Variants in ZMAT4 observed in about 807,000 individuals in gnomAD.
The protein encoded by ZMAT4 is zinc finger matrin-type 4, also known as zinc finger matrin-type protein 4.
A neutral mutation model predicts 28.7 loss-of-function variants in ZMAT4; 17 were observed. The ratio of observed to expected loss-of-function variants is 0.59; its 90% CI spans 0.41 to 0.89. The LOEUF (loss-of-function observed/expected upper bound fraction) is 0.89. Among genes scored for constraint, ZMAT4 ranks in the 40% least tolerant of loss-of-function variants. The pLI, the probability that ZMAT4 is intolerant of heterozygous loss-of-function variation, is 0.00. For synonymous variants in ZMAT4, 117 were observed against 109.2 expected, an observed-to-expected ratio of 1.07 and a Z score of -0.44; for missense variants, 240 against 283.8, an observed-to-expected ratio of 0.85 and a Z score of 1.11.
At chr8:40,640,298 CT>C (rs1333195964) in intron 5 of ZMAT4, among the ~76,000 whole-genome samples, 2 of 152,136 alleles carry the variant, frequency 1.3e-5, no homozygotes, top group Non-Finnish European at 2.9e-5. Context: ...TCTTAATGTT[CT>C]GGATGACTTT....
At chr8:40,658,976 A>C (rs1177771649) in intron 5 of ZMAT4, among the ~76,000 whole-genome samples, 2 of 152,140 alleles carry the variant, frequency 1.3e-5, no homozygotes, top group Non-Finnish European at 2.9e-5. Context: ...AAATATTATC[A>C]GTAGAAGGGT....
At chr8:40,880,422 G>T (rs182412968) in intron 1 of ZMAT4, among the ~76,000 whole-genome samples, 1 of 151,730 alleles carries the variant, frequency 6.6e-6, no homozygotes, top group African/African-American at 2.4e-5. Flanking sequence ...TCCAGAAAGA[G>T]GGCACCAATT....
At chr8:40,841,666 G>A (rs890623714) in intron 1 of ZMAT4, among the ~76,000 whole-genome samples, 1 of 152,154 alleles carries the variant, frequency 6.6e-6, no homozygotes. Flanking sequence ...GAGGCAAAAA[G>A]TATCTCTCTT....
intron 2 of ZMAT4, among the ~76,000 whole-genome samples, chr8:40,811,254 C>G (rs563800904): frequency 7.9e-5 from 12 of 152,296 alleles, no homozygotes; most frequent in African/African-American, 2.6e-4. Flanking sequence ...GAGGAACTTA[C>G]AGACAGAAGC....
chr8:40,704,286 A>G (rs1452794416), intron 3 of ZMAT4, among the ~76,000 whole-genome samples: 1 of 152,154 alleles, frequency 6.6e-6, no homozygotes, highest in Non-Finnish European at 1.5e-5. Flanking sequence ...TGGAAGTCAC[A>G]TTTCCTGATT....
intron 2 of ZMAT4, among the ~76,000 whole-genome samples, chr8:40,767,983 G>C (rs1385219285): frequency 6.6e-6 from 1 of 152,090 alleles, no homozygotes; most frequent in East Asian, 1.9e-4. Context: ...ATGTAGCCTA[G>C]GGTGGATAAT....
At chr8:40,773,575 TGTTTGC>T (rs1813473210) in intron 2 of ZMAT4, among the ~76,000 whole-genome samples, 3 of 152,152 alleles carry the variant, frequency 2.0e-5, no homozygotes, top group Admixed American at 6.5e-5. Context: ...ATTAAGCAAT[TGTTTGC>T]AAAATATTTA....
intron 2 of ZMAT4, among the ~76,000 whole-genome samples, chr8:40,793,848 G>C (rs1231165999): frequency 6.6e-6 from 1 of 152,132 alleles, no homozygotes; most frequent in Non-Finnish European, 1.5e-5. Flanking sequence ...AAGTGTGACG[G>C]ACTCGCCCCT....
intron 2 of ZMAT4, among the ~76,000 whole-genome samples, chr8:40,782,766 G>T (rs1206084398): frequency 2.0e-5 from 3 of 152,274 alleles, no homozygotes; most frequent in Admixed American, 1.3e-4. Context: ...CTCCAGAAGA[G>T]ATATACAAAT....
intron 1 of ZMAT4, among the ~76,000 whole-genome samples, chr8:40,886,819 C>A (rs1204511461): frequency 6.6e-6 from 1 of 152,114 alleles, no homozygotes; most frequent in Non-Finnish European, 1.5e-5. Context: ...CCTATCCTAA[C>A]CTTGCTACAT....
chr8:40,701,881 C>T (rs1477924326), intron 3 of ZMAT4, among the ~76,000 whole-genome samples: 1 of 152,058 alleles, frequency 6.6e-6, no homozygotes, highest in African/African-American at 2.4e-5. Context: ...TGGCTCTTTG[C>T]AACTCTAGAT....
At chr8:40,786,471 T>G (rs1298449652) in intron 2 of ZMAT4, among the ~76,000 whole-genome samples, 1 of 152,100 alleles carries the variant, frequency 6.6e-6, no homozygotes, top group Non-Finnish European at 1.5e-5. Context: ...ATTCATTCAT[T>G]CTTCAAACCT....
rs1198724259 is a variant in ZMAT4, at chr8:40,757,585, C to CA, written c.192+10055dup. The stretch of plus-strand genomic sequence containing the variant: ...TGGGCAACAGAGCAAGACCCCATCT[C>CA]AAAAAAAAAAAAAGAAAAAAGAAAA... On this transcript the variant is annotated intron_variant, in intron 3 of 6. Transcript: ENST00000297737. Among the ~76,000 whole-genome samples the CA allele has an allele frequency of 5.0e-3, 516 of 103,268 alleles. 9 individuals are homozygous for CA. In the East Asian group the frequency reaches 0.064, roughly 13 times the overall value. The allele number at this position is 103,268 out of a possible 152,430, so 67.7% of individuals were successfully genotyped here.
At chr8:40,633,746 A>G (rs1035591076) in intron 5 of ZMAT4, among the ~76,000 whole-genome samples, 3 of 152,182 alleles carry the variant, frequency 2.0e-5, no homozygotes, top group African/African-American at 7.2e-5. Context: ...GAATGAGATG[A>G]TTCTATAGGA....
chr8:40,603,069 C>G (rs1805453473), intron 5 of ZMAT4, among the ~76,000 whole-genome samples: 1 of 152,120 alleles, frequency 6.6e-6, no homozygotes. Context: ...TTTGATCCAT[C>G]TTGAGTGAAA....
intron 1 of ZMAT4, among the ~76,000 whole-genome samples, chr8:40,862,584 T>TAAAAAAAAAAAAAAAAAAAAAAAATAA (rs398007582): frequency 9.1e-6 from 1 of 109,962 alleles, no homozygotes; most frequent in Non-Finnish European, 1.8e-5. Flanking sequence ...AAAAAAAAAT[T>TAAAAAAAAAAAAAAAAAAAAAAAATAA]AAAAAAAAAA....
intron 4 of ZMAT4, among the ~76,000 whole-genome samples, chr8:40,685,315 C>T (rs1484031383): frequency 1.3e-5 from 2 of 152,142 alleles, no homozygotes; most frequent in Non-Finnish European, 2.9e-5. Context: ...GACCACACCC[C>T]TACACCACTG....
intron 3 of ZMAT4, among the ~76,000 whole-genome samples, chr8:40,748,934 G>T (rs1484258523): frequency 6.6e-6 from 1 of 151,968 alleles, no homozygotes; most frequent in Non-Finnish European, 1.5e-5. Flanking sequence ...GGGACCCAGT[G>T]GGAGATAATA....
At chr8:40,876,884 T>C (rs781585906) in intron 1 of ZMAT4, among the ~76,000 whole-genome samples, 6 of 152,166 alleles carry the variant, frequency 3.9e-5, no homozygotes, top group Non-Finnish European at 8.8e-5. Context: ...CTGGGATGGT[T>C]TAAGGAAAGT....
Sources: gnomAD v4.1 joint callset for allele counts (sites outside exome capture counted in the v4.1 genomes callset) on GRCh38, gnomAD v4.1.1 for gene constraint, MANE v1.5 for transcripts, NCBI Gene and HGNC (gene_info 2026-07-23, HGNC 2026-07-21) for gene names.